Variants in CCDC28A observed in about 807,000 individuals in gnomAD.
CCDC28A encodes coiled-coil domain-containing protein 28A.
A neutral mutation model predicts 22.1 loss-of-function variants in CCDC28A; 24 were observed. The observed-to-expected ratio is 1.09, with a 90% CI of 0.79 to 1.53. CCDC28A has a LOEUF of 1.53. CCDC28A is among the 40% of genes most tolerant of loss of function. The probability of loss-of-function intolerance (pLI) is 0.00; values close to 1 mark genes in which losing one functional copy is unlikely to be tolerated. For missense variants in CCDC28A, 170 were observed against 210.7 expected (o/e 0.81, Z 1.20); for synonymous variants, 83 against 74.7 (o/e 1.11, Z -0.57).
intron 2 of CCDC28A, 78 bp downstream of exon 2, chr6:138,776,356 T>G (rs1774934618): frequency 8.2e-7 from 1 of 1,212,752 alleles, no homozygotes; most frequent in Middle Eastern, 2.3e-4. Flanking sequence ...TTAAACACTT[T>G]TTTAGTCTTG....
intron 3 of CCDC28A, among the ~76,000 whole-genome samples, chr6:138,780,794 C>G (rs1162784268): frequency 6.6e-6 from 1 of 152,022 alleles, no homozygotes; most frequent in African/African-American, 2.4e-5. Flanking sequence ...GATGGGTCTC[C>G]ATCTCCTGAC....
intron 2 of CCDC28A, 50 bp downstream of exon 2, chr6:138,776,328 T>A (rs1286847289): frequency 6.9e-7 from 1 of 1,443,938 alleles, no homozygotes; most frequent in Non-Finnish European, 9.7e-7. Flanking sequence ...TTAAAGTAAA[T>A]CCTGACTCAA....
intron 4 of CCDC28A, 146 bp downstream of exon 4, chr6:138,785,527 G>A (rs1775083750): frequency 8.4e-6 from 5 of 596,142 alleles, no homozygotes; most frequent in South Asian, 4.6e-5. Context: ...TGCGGAACAC[G>A]TTCACCACCC....
intron 3 of CCDC28A, among the ~76,000 whole-genome samples, chr6:138,784,890 C>T (rs550960231): frequency 1.3e-5 from 2 of 152,230 alleles, no homozygotes; most frequent in South Asian, 2.1e-4. Context: ...GACTAGGTTT[C>T]ACCATGTTGG....
chr6:138,788,532 C>A, intron 5 of CCDC28A, 144 bp downstream of exon 5: 1 of 401,106 alleles, frequency 2.5e-6, no homozygotes, highest in Non-Finnish European at 4.7e-6. Flanking sequence ...CGTCACTCTT[C>A]CTCTTTGGTT....
intron 4 of CCDC28A, 128 bp downstream of exon 4, chr6:138,785,509 TGTTGAA>T: frequency 3.0e-6 from 2 of 657,542 alleles, no homozygotes; most frequent in Non-Finnish European, 5.1e-6. Context: ...TGCCGATCGC[TGTTGAA>T]TTGCGGAACA....
chr6:138,775,515 C>G (rs976633356), intron 1 of CCDC28A, among the ~76,000 whole-genome samples: 3 of 152,186 alleles, frequency 2.0e-5, no homozygotes, highest in Non-Finnish European at 4.4e-5. Flanking sequence ...ATTATTAGCC[C>G]TAGCTAGAAA....
intron 1 of CCDC28A, 34 bp downstream of exon 1, chr6:138,773,936 T>G: frequency 6.2e-7 from 1 of 1,606,078 alleles, no homozygotes; most frequent in South Asian, 1.1e-5. Flanking sequence ...CTCCGCAACC[T>G]GCCCCTTTAG....
At chr6:138,774,191 T>C (rs1191401564) in intron 1 of CCDC28A, among the ~76,000 whole-genome samples, 1 of 152,232 alleles carries the variant, frequency 6.6e-6, no homozygotes, top group Non-Finnish European at 1.5e-5. Flanking sequence ...TTGTGACAGA[T>C]GTAATTTTCC....
In CCDC28A at chr6:138,785,154, T is replaced by C. The variant is rs548217301; in HGVS notation, c.323-73T>C. 3.4e-4 allele frequency: 322 copies of C among 934,476 alleles called. No homozygotes were observed. In the African/African-American group the frequency reaches 4.7e-3, roughly 14 times the overall value. The allele number at this position is 934,476 out of a possible 1,614,324, so 57.9% of individuals were successfully genotyped here. On this transcript the variant is annotated intron_variant, in intron 3 of 5. Coordinates refer to ENST00000617445, the MANE Select transcript of CCDC28A (RefSeq NM_015439.3). ...CCTGTTTCTTTTAGAGCACCTAGAG[T>C]TTAAGTGTTTTTACTCAATGCTGTT... is the stretch of plus-strand genomic sequence containing the variant.
At chr6:138,789,909 A>G (rs1775145414) in intron 5 of CCDC28A, among the ~76,000 whole-genome samples, 1 of 152,154 alleles carries the variant, frequency 6.6e-6, no homozygotes, top group African/African-American at 2.4e-5. Flanking sequence ...GCATTATCTT[A>G]TTTGGCCCTA....
At chr6:138,792,346 TAGCC>T (rs1775183303) in intron 5 of CCDC28A, among the ~76,000 whole-genome samples, 1 of 152,016 alleles carries the variant, frequency 6.6e-6, no homozygotes, top group Non-Finnish European at 1.5e-5. Context: ...CTGGGCAACA[TAGCC>T]AGACTCCTCC....
intron 3 of CCDC28A, among the ~76,000 whole-genome samples, chr6:138,782,526 A>T (rs1037769248): frequency 2.0e-5 from 3 of 150,026 alleles, no homozygotes; most frequent in Non-Finnish European, 4.4e-5. Flanking sequence ...ATGGTAGGTC[A>T]CCTAGATCCG....
At chr6:138,779,043 T>C (rs562993638) in intron 2 of CCDC28A, among the ~76,000 whole-genome samples, 2 of 152,198 alleles carry the variant, frequency 1.3e-5, no homozygotes, top group Non-Finnish European at 2.9e-5. Context: ...GTTGGAATTA[T>C]AGGCACGAGC....
intron 3 of CCDC28A, among the ~76,000 whole-genome samples, chr6:138,783,435 ATTT>A (rs564949933): frequency 0.28 from 33,029 of 118,792 alleles, 4,734 homozygotes; most frequent in African/African-American, 0.41. Context: ...CACCCAGCTA[ATTT>A]TTTTTTTTTT....
rs1774926179 is a variant in CCDC28A at position 138,776,070 on chromosome 6, C to T, written c.-42-9C>T. ...GCATACATATATAATTGCTGTATTCCTTATTTAGGTCTTAAGAAGCTGGCC... is the reference window on the plus strand; with the variant it reads ...GCATACATATATAATTGCTGTATTCTTTATTTAGGTCTTAAGAAGCTGGCC... On this transcript the variant is annotated splice_polypyrimidine_tract_variant and intron_variant, in intron 1 of 5. Transcript: ENST00000617445. 1.9e-6 allele frequency: 3 copies of T among 1,609,068 alleles called. No homozygotes were observed. Among genetic ancestry groups the T allele is most frequent in the Non-Finnish European group, 1.7e-6 (2 of 1,175,666 alleles).
intron 3 of CCDC28A, among the ~76,000 whole-genome samples, chr6:138,782,442 G>A (rs185862942): frequency 1.3e-5 from 2 of 151,866 alleles, no homozygotes; most frequent in African/African-American, 2.4e-5. Context: ...TTCATCTCAC[G>A]TAACATATTT....
intron 5 of CCDC28A, among the ~76,000 whole-genome samples, chr6:138,788,806 T>A (rs1482645486): frequency 1.3e-5 from 2 of 152,176 alleles, no homozygotes; most frequent in Non-Finnish European, 2.9e-5. Context: ...TCTGGTTTGT[T>A]CTGCTTTGCT....
Position 138,785,352 on chromosome 6 carries a change from G to A in CCDC28A, c.448G>A (p.Asp150Asn). Residue 150 changes from aspartate to asparagine, a missense_variant, in exon 4 of 6, where the codon GAC becomes AAC. By Grantham distance (23) the Asp-to-Asn change is conservative (BLOSUM62 1). Coordinates refer to ENST00000617445, the MANE Select transcript of CCDC28A (RefSeq NM_015439.3). ...TGAGGATAAGAGAAAAACAGCCAGT[G>A]ACTCCAATCTGGATAGGCTTCTGTC... ...LPEDKRKTAS[D>N]SNLDRLLSDL... 6.2e-7 allele frequency: 1 copy of A among 1,613,786 alleles called. No individual in the cohort carries two copies. Among genetic ancestry groups the A allele is most frequent in the Non-Finnish European group, 8.5e-7 (1 of 1,179,720 alleles).
Sources: allele counts gnomAD v4.1 joint callset (sites outside exome capture counted in the v4.1 genomes callset), GRCh38; gene constraint gnomAD v4.1.1; transcripts MANE v1.5; gene names NCBI Gene and HGNC (gene_info 2026-07-23, HGNC 2026-07-21).